Variants in TFEC observed in about 807,000 individuals in gnomAD.
TFEC encodes class E basic helix-loop-helix protein 34.
TFEC carries 31 observed loss-of-function variants against 41.6 expected under a neutral mutation model. That is an observed-to-expected ratio of 0.74 (90% CI 0.56 to 1.01). The LOEUF (loss-of-function observed/expected upper bound fraction) is 1.01, where lower values mean the gene tolerates loss of function less well. Ranked by LOEUF, TFEC falls within the 50% of genes least tolerant of loss-of-function variation. TFEC has a pLI of 0.00. For synonymous variants in TFEC, 143 were observed against 140.6 expected, an observed-to-expected ratio of 1.02 and a Z score of -0.12; for missense variants, 402 against 404.1, an observed-to-expected ratio of 0.99 and a Z score of 0.04.
chr7:116,147,389 T>C (rs1055293331), intron 1 of TFEC, among the ~76,000 whole-genome samples: 21 of 152,202 alleles, frequency 1.4e-4, no homozygotes, highest in African/African-American at 1.2e-4. Context: ...AATTGACTAA[T>C]GGATGATTTA....
At chr7:116,068,178 A>G (rs1391009595) in intron 3 of TFEC, among the ~76,000 whole-genome samples, 1 of 151,854 alleles carries the variant, frequency 6.6e-6, no homozygotes, top group Non-Finnish European at 1.5e-5. Flanking sequence ...TTGAAGCAAT[A>G]TGTTTTTTTG....
chr7:116,098,853 AAGAG>A (rs948817737), intron 3 of TFEC, among the ~76,000 whole-genome samples: 1 of 145,796 alleles, frequency 6.9e-6, no homozygotes, highest in Non-Finnish European at 1.5e-5. Flanking sequence ...AGAAGAAAGA[AAGAG>A]AGAGGAAGAA....
intron 1 of TFEC, among the ~76,000 whole-genome samples, chr7:116,018,259 T>G (rs899624622): frequency 3.3e-5 from 5 of 152,180 alleles, no homozygotes; most frequent in Non-Finnish European, 7.3e-5. Context: ...GAGCCAGAAT[T>G]TGAATGCAGG....
chr7:116,123,150 A>C (rs139898346), intron 1 of TFEC, among the ~76,000 whole-genome samples: 1 of 152,262 alleles, frequency 6.6e-6, no homozygotes, highest in African/African-American at 2.4e-5. Context: ...TTTTTAAAAA[A>C]CTACAAGTTA....
In TFEC at chr7:115,937,679, A is replaced by G. The variant is rs565886786; in HGVS notation, c.*2872T>C. On this transcript the variant is annotated 3_prime_UTR_variant, in exon 8 of 8. Transcript: ENST00000265440. Reference sequence around the variant, plus strand: ...AAGTTTGGTACACTATTACTTTCCTATGCAACCTCATCATTATTAGGATTG... The same window carrying G: ...AAGTTTGGTACACTATTACTTTCCTGTGCAACCTCATCATTATTAGGATTG... 1 of 151,838 alleles carries G rather than the reference A, an allele frequency of 6.6e-6. No homozygotes were observed. The highest frequency in any genetic ancestry group is 2.4e-5 in the African/African-American group (1 of 41,512). 9.4% of individuals were successfully genotyped at this position (151,838 alleles called of 1,614,324 possible).
chr7:116,019,008 C>A (rs1251848565), intron 1 of TFEC, among the ~76,000 whole-genome samples: 1 of 151,766 alleles, frequency 6.6e-6, no homozygotes, highest in Non-Finnish European at 1.5e-5. Context: ...TTAATCATCA[C>A]AAGAAAAGGT....
intron 3 of TFEC, among the ~76,000 whole-genome samples, chr7:115,972,949 G>A (rs1291321949): frequency 6.6e-6 from 1 of 151,918 alleles, no homozygotes; most frequent in African/African-American, 2.4e-5. Context: ...TAAGAAAATA[G>A]GATCCTCATG....
chr7:115,951,825 C>T (rs971708945), intron 5 of TFEC, among the ~76,000 whole-genome samples: 3 of 151,964 alleles, frequency 2.0e-5, no homozygotes, highest in East Asian at 3.9e-4. Context: ...TTCTGAACAT[C>T]GTAAATGTTC....
At chr7:116,065,615 G>A (rs1050777077) in intron 3 of TFEC, among the ~76,000 whole-genome samples, 7 of 152,044 alleles carry the variant, frequency 4.6e-5, no homozygotes, top group African/African-American at 7.2e-5. Context: ...CATACCAAAC[G>A]AATCAGCAAT....
chr7:115,988,839 A>G (rs924887257), intron 1 of TFEC, among the ~76,000 whole-genome samples: 1 of 152,080 alleles, frequency 6.6e-6, no homozygotes, highest in Non-Finnish European at 1.5e-5. Context: ...TAAAGAAAAA[A>G]ACTCTGGAAA....
chr7:116,106,833 C>G (rs1424746471), intron 3 of TFEC, among the ~76,000 whole-genome samples: 1 of 152,174 alleles, frequency 6.6e-6, no homozygotes, highest in African/African-American at 2.4e-5. Context: ...CAAGGTTGAC[C>G]AAATGCACCC....
upstream of TFEC, among the ~76,000 whole-genome samples, chr7:116,035,103 A>G (rs1385999728): frequency 1.3e-5 from 2 of 151,940 alleles, no homozygotes; most frequent in Non-Finnish European, 2.9e-5. Flanking sequence ...GCTGATGGAC[A>G]TATCCTAAGC....
At chr7:116,018,571 CT>C (rs1242011482) in intron 1 of TFEC, among the ~76,000 whole-genome samples, 19 of 152,290 alleles carry the variant, frequency 1.2e-4, no homozygotes, top group African/African-American at 4.3e-4. Context: ...GAAGATCATT[CT>C]ACTTCTGTGA....
chr7:116,006,512 T>C (rs1794795698), intron 1 of TFEC, among the ~76,000 whole-genome samples: 1 of 152,200 alleles, frequency 6.6e-6, no homozygotes, highest in African/African-American at 2.4e-5. Context: ...TTTCTCCCAT[T>C]TGGAATGGCT....
chr7:115,992,660 G>T (rs1056581562), intron 1 of TFEC, among the ~76,000 whole-genome samples: 5 of 152,110 alleles, frequency 3.3e-5, no homozygotes, highest in African/African-American at 1.2e-4. Flanking sequence ...CCAGGAAGAA[G>T]TTGAATCCCT....
At chr7:115,983,471 T>C (rs1040448597) in intron 2 of TFEC, among the ~76,000 whole-genome samples, 4 of 152,066 alleles carry the variant, frequency 2.6e-5, no homozygotes, top group Admixed American at 1.3e-4. Context: ...GGAATGTAGA[T>C]TGGGAGATTA....
upstream of TFEC, among the ~76,000 whole-genome samples, chr7:116,031,325 A>G (rs1271999930): frequency 2.0e-5 from 3 of 152,182 alleles, no homozygotes; most frequent in Non-Finnish European, 4.4e-5. Flanking sequence ...TGTAGATTAA[A>G]AATACACAGT....
chr7:116,037,788 T>C (rs1246850291), intron 3 of TFEC, among the ~76,000 whole-genome samples: 1 of 151,992 alleles, frequency 6.6e-6, no homozygotes, highest in East Asian at 1.9e-4. Flanking sequence ...CTAGTAAGCA[T>C]AATATTAGTA....
chr7:115,995,388 CAT>C (rs899855135), intron 1 of TFEC, among the ~76,000 whole-genome samples: 46 of 151,646 alleles, frequency 3.0e-4, no homozygotes, highest in Middle Eastern at 3.4e-3. Flanking sequence ...ACTATGTATG[CAT>C]ATATATATAC....
Sources: allele counts gnomAD v4.1 joint callset (sites outside exome capture counted in the v4.1 genomes callset), GRCh38; gene constraint gnomAD v4.1.1; transcripts MANE v1.5; gene names NCBI Gene and HGNC (gene_info 2026-07-23, HGNC 2026-07-21).